The following RGS6 variants were observed in gnomAD, a reference collection of about 807,000 sequenced individuals.
RGS6 encodes regulator of G-protein signaling 6.
A neutral mutation model predicts 78.5 loss-of-function variants in RGS6; 30 were observed. The ratio of observed to expected loss-of-function variants is 0.38; its 90% CI spans 0.29 to 0.52. RGS6 has a LOEUF of 0.52. Among genes scored for constraint, RGS6 ranks in the 20% least tolerant of loss-of-function variants. The pLI is 0.85. For synonymous variants in RGS6, 206 were observed against 206.0 expected (o/e 1.00, Z 0.00); for missense variants, 495 against 609.7 (o/e 0.81, Z 1.98).
At chr14:72,110,572 C>T (rs978508754) in intron 2 of RGS6, among the ~76,000 whole-genome samples, 17 of 152,210 alleles carry the variant, frequency 1.1e-4, no homozygotes, top group Non-Finnish European at 2.4e-4. Flanking sequence ...CCATTCCCCT[C>T]TCTACTAAAT....
At chr14:72,533,919 A>C (rs913156673) in intron 15 of RGS6, among the ~76,000 whole-genome samples, 1 of 152,242 alleles carries the variant, frequency 6.6e-6, no homozygotes, top group Admixed American at 6.5e-5. Flanking sequence ...TTGAGATGAC[A>C]CAAAGAATTT....
intron 2 of RGS6, among the ~76,000 whole-genome samples, chr14:72,012,890 T>C (rs1289543702): frequency 6.6e-6 from 1 of 152,096 alleles, no homozygotes; most frequent in Non-Finnish European, 1.5e-5. Context: ...CAAATAATAG[T>C]GTAAGCAAAC....
chr14:72,434,581 GC>G (rs1209526861), intron 3 of RGS6, among the ~76,000 whole-genome samples: 1 of 152,100 alleles, frequency 6.6e-6, no homozygotes, highest in Non-Finnish European at 1.5e-5. Context: ...TTGCTATCTT[GC>G]CCAGGCTGAT....
At chr14:72,324,759 T>C (rs2073231994) in intron 2 of RGS6, among the ~76,000 whole-genome samples, 2 of 152,114 alleles carry the variant, frequency 1.3e-5, no homozygotes. Context: ...CTATCATGGA[T>C]GGACATTTGG....
At chr14:72,330,222 A>G (rs1233283172) in intron 2 of RGS6, among the ~76,000 whole-genome samples, 1 of 152,230 alleles carries the variant, frequency 6.6e-6, no homozygotes, top group Non-Finnish European at 1.5e-5. Flanking sequence ...TTGACAATTA[A>G]TGCTGTAAAT....
intron 3 of RGS6, among the ~76,000 whole-genome samples, chr14:72,427,212 A>G (rs1228227955): frequency 6.6e-6 from 1 of 152,268 alleles, no homozygotes; most frequent in Non-Finnish European, 1.5e-5. Context: ...GAGAGAGACT[A>G]TATAACTTTT....
At chr14:71,967,094 T>C (rs887146637) in intron 2 of RGS6, among the ~76,000 whole-genome samples, 3 of 151,996 alleles carry the variant, frequency 2.0e-5, no homozygotes, top group African/African-American at 7.2e-5. Flanking sequence ...TGGTTTAATT[T>C]AGTAACTAAC....
chr14:71,967,567 C>G (rs1339340578), intron 2 of RGS6, among the ~76,000 whole-genome samples: 1 of 152,148 alleles, frequency 6.6e-6, no homozygotes, highest in African/African-American at 2.4e-5. Flanking sequence ...GCCATAAACC[C>G]AAACCTTTCC....
At chr14:72,608,060 C>T in the RGS6 span, among the ~76,000 whole-genome samples, 2 of 152,182 alleles carry the variant, frequency 1.3e-5, no homozygotes, top group Admixed American at 6.5e-5. Flanking sequence ...ACTAAAACCA[C>T]GCTGACTGAT....
At chr14:72,227,183 G>A (rs1175820898) in intron 2 of RGS6, among the ~76,000 whole-genome samples, 1 of 152,246 alleles carries the variant, frequency 6.6e-6, no homozygotes, top group Non-Finnish European at 1.5e-5. Flanking sequence ...GACATAAAGA[G>A]TTACATATAG....
intron 8 of RGS6, among the ~76,000 whole-genome samples, chr14:72,471,671 C>G (rs898503945): frequency 1.3e-5 from 2 of 152,204 alleles, no homozygotes; most frequent in African/African-American, 2.4e-5. Flanking sequence ...AACCTCCCCC[C>G]ACAGTCTCTG....
intron 2 of RGS6, among the ~76,000 whole-genome samples, chr14:72,332,197 G>A (rs2075197377): frequency 6.6e-6 from 1 of 152,180 alleles, no homozygotes; most frequent in South Asian, 2.1e-4. Context: ...GTCTCCTTGA[G>A]AACAACTTGA....
intron 14 of RGS6, among the ~76,000 whole-genome samples, chr14:72,514,932 A>G (rs1598560680): frequency 6.6e-6 from 1 of 152,054 alleles, no homozygotes; most frequent in Non-Finnish European, 1.5e-5. Flanking sequence ...TGCAGCGGGG[A>G]ATGTGGCCTG....
the RGS6 span, among the ~76,000 whole-genome samples, chr14:71,923,335 G>A: frequency 6.6e-6 from 1 of 152,204 alleles, no homozygotes; most frequent in East Asian, 1.9e-4. Context: ...TATATTCTGT[G>A]CATAGGCAAA....
intron 17 of RGS6, among the ~76,000 whole-genome samples, chr14:72,561,171 G>C (rs2097670733): frequency 6.6e-6 from 1 of 152,104 alleles, no homozygotes; most frequent in South Asian, 2.1e-4. Flanking sequence ...TCACAAACCT[G>C]ATCAATTTTT....
the RGS6 span, among the ~76,000 whole-genome samples, chr14:71,892,948 A>G: frequency 6.6e-6 from 1 of 152,278 alleles, no homozygotes; most frequent in Non-Finnish European, 1.5e-5. Flanking sequence ...AGATGGCCCA[A>G]GCCAGCTTCA....
intron 2 of RGS6, among the ~76,000 whole-genome samples, chr14:72,298,631 G>A (rs1271514344): frequency 6.6e-6 from 1 of 151,644 alleles, no homozygotes; most frequent in Non-Finnish European, 1.5e-5. Flanking sequence ...TGTATTTTTA[G>A]TAGAGACGGG....
intron 1 of RGS6, among the ~76,000 whole-genome samples, chr14:71,954,972 T>G (rs1001981868): frequency 7.9e-5 from 12 of 152,298 alleles, no homozygotes; most frequent in African/African-American, 2.6e-4. Context: ...CACCATGCGT[T>G]GTAATTTTTT....
chr14:72,280,969 C>G (rs560556719), intron 2 of RGS6, among the ~76,000 whole-genome samples: 65 of 152,170 alleles, frequency 4.3e-4, no homozygotes, highest in African/African-American at 1.6e-3. Context: ...ACTTTATAAA[C>G]TAGGAAATCC....
Sources: gnomAD v4.1 joint callset for allele counts (sites outside exome capture counted in the v4.1 genomes callset) on GRCh38, gnomAD v4.1.1 for gene constraint, MANE v1.5 for transcripts, NCBI Gene and HGNC (gene_info 2026-07-23, HGNC 2026-07-21) for gene names.